The following EML5 variants were observed in gnomAD, a reference collection of about 807,000 sequenced individuals.
The protein encoded by EML5 is echinoderm microtubule-associated protein-like 5.
In EML5, 120 loss-of-function variants were observed where a neutral mutation model predicts 250.0. That is an observed-to-expected ratio of 0.48 (90% CI 0.41 to 0.56). The LOEUF is 0.56. EML5 is among the 20% of genes least tolerant of loss of function. EML5 has a pLI of 0.00. For missense variants in EML5, 2,006 were observed against 2,437.6 expected (o/e 0.82, Z 3.73); for synonymous variants, 771 against 806.5 (o/e 0.96, Z 0.75).
chr14:88,625,339 T>G, intron 35 of EML5: 1 of 526,750 alleles, frequency 1.9e-6, no homozygotes, highest in Non-Finnish European at 3.3e-6. Context: ...CTGTTGCTTA[T>G]TAGCTAGAAT....
At chr14:88,724,636 T>C (rs2093639879) in intron 8 of EML5, among the ~76,000 whole-genome samples, 1 of 152,320 alleles carries the variant, frequency 6.6e-6, no homozygotes, top group South Asian at 2.1e-4. Context: ...TTTACATGCA[T>C]CTTAAATTCT....
intron 1 of EML5, among the ~76,000 whole-genome samples, chr14:88,782,045 AG>A (rs1460575205): frequency 6.6e-6 from 1 of 152,200 alleles, no homozygotes; most frequent in Non-Finnish European, 1.5e-5. Context: ...AAAGACTTGG[AG>A]GGCTCCGAAG....
intron 27 of EML5, among the ~76,000 whole-genome samples, chr14:88,652,602 T>C (rs909479618): frequency 3.9e-5 from 6 of 152,164 alleles, no homozygotes; most frequent in African/African-American, 1.4e-4. Context: ...TGAATTCCCT[T>C]TTAATTTCTC....
At position 88,744,062 on chromosome 14, in the gene EML5, C is replaced by T; in HGVS notation, c.486G>A (p.Gln162=). Residue 162 remains glutamine (Q), a synonymous_variant, in exon 4 of 44, where the codon CAG becomes CAA. Transcript: ENST00000554922. ...RIFDISWDLY[Q]PNKLVSCGVK... ...CACCACAGCTGACAAGTTTATTTGG[C>T]TGGTACAAATCCCAAGAAATATCAA... 1 of 1,574,762 alleles carries T rather than the reference C, an allele frequency of 6.4e-7. No individual in the cohort carries two copies. The highest frequency in any genetic ancestry group is 8.6e-7 in the Non-Finnish European group (1 of 1,157,204).
chr14:88,689,873 T>C (rs2092919352), intron 17 of EML5, among the ~76,000 whole-genome samples: 1 of 152,060 alleles, frequency 6.6e-6, no homozygotes, highest in Non-Finnish European at 1.5e-5. Context: ...AGACAGTCAA[T>C]AAATGTAACA....
At position 88,772,150 on chromosome 14, in the gene EML5, C is replaced by A. The variant is rs528068923; in HGVS notation, c.198-17479G>T. Reference sequence around the variant, plus strand: ...AGACCAAGAAGCTAAATTTCATCCTCACTACTTATCTTTTCCTCACTCATC... The same window carrying A: ...AGACCAAGAAGCTAAATTTCATCCTAACTACTTATCTTTTCCTCACTCATC... On this transcript the variant is annotated intron_variant, in intron 1 of 43. Coordinates refer to ENST00000554922, the MANE Select transcript of EML5 (RefSeq NM_183387.3). Among the ~76,000 whole-genome samples, 7 of 152,336 alleles carry A rather than the reference C, an allele frequency of 4.6e-5. No homozygotes were observed. The South Asian group carries it at 1.4e-3, about 32-fold the overall frequency.
chr14:88,654,950 TG>T (rs1180070274), intron 27 of EML5, among the ~76,000 whole-genome samples: 5 of 152,252 alleles, frequency 3.3e-5, no homozygotes, highest in African/African-American at 9.6e-5. Flanking sequence ...TTTATGAATC[TG>T]GGTGCTCCTG....
chr14:88,627,864 A>G, intron 33 of EML5, 45 bp from the exon 34 acceptor site: 1 of 1,503,718 alleles, frequency 6.7e-7, no homozygotes, highest in Non-Finnish European at 8.9e-7. Flanking sequence ...CCTGTTATAA[A>G]TATTTCTGTT....
chr14:88,695,360 C>G lies in EML5; in HGVS notation c.2438+1G>C, dbSNP rs1484347613. Reference sequence around the variant, plus strand: ...AATGTGATATCAAGTTTTTTTCCTACCTTGCTATTGAAAGTTTCTCTCCTT... The same window carrying G: ...AATGTGATATCAAGTTTTTTTCCTAGCTTGCTATTGAAAGTTTCTCTCCTT... On this transcript the variant is annotated splice_donor_variant, in intron 16 of 43. Coordinates refer to ENST00000554922, the MANE Select transcript of EML5 (RefSeq NM_183387.3). LOFTEE classifies it high-confidence loss of function. The G allele has an allele frequency of 1.2e-6, 2 of 1,605,752 alleles. No individual in the cohort carries two copies. The highest frequency in any genetic ancestry group is 3.4e-5 in the Admixed American group (2 of 58,940).
intron 7 of EML5, among the ~76,000 whole-genome samples, chr14:88,732,190 T>C (rs1165379391): frequency 6.6e-6 from 1 of 152,222 alleles, no homozygotes; most frequent in Non-Finnish European, 1.5e-5. Flanking sequence ...AGGGTTTTTA[T>C]GGTTTTAGGT....
intron 21 of EML5, among the ~76,000 whole-genome samples, chr14:88,669,500 G>A (rs757809422): frequency 3.9e-5 from 6 of 152,174 alleles, no homozygotes; most frequent in East Asian, 1.9e-4. Flanking sequence ...TCTTTAGGTC[G>A]GACCCTGACC....
chr14:88,729,890 T>C (rs2093728564), intron 7 of EML5, among the ~76,000 whole-genome samples: 1 of 151,686 alleles, frequency 6.6e-6, no homozygotes, highest in Admixed American at 6.6e-5. Flanking sequence ...TTTGTTTTTT[T>C]AATGTATTGT....
chr14:88,665,003 T>G (rs559184561), intron 22 of EML5, among the ~76,000 whole-genome samples: 1 of 152,174 alleles, frequency 6.6e-6, no homozygotes, highest in African/African-American at 2.4e-5. Flanking sequence ...AATGAATACA[T>G]GGAAATTAAT....
chr14:88,684,902 A>G (rs1190376019), intron 20 of EML5, 113 bp downstream of exon 20: 1 of 1,011,894 alleles, frequency 9.9e-7, no homozygotes, highest in Admixed American at 3.0e-5. Context: ...ATACATTAAC[A>G]AATATTTCCC....
intron 27 of EML5, among the ~76,000 whole-genome samples, chr14:88,654,081 A>G (rs1189562568): frequency 6.6e-6 from 1 of 152,144 alleles, no homozygotes; most frequent in East Asian, 1.9e-4. Context: ...AGGTCTTTAT[A>G]GCATTCTCTG....
chr14:88,773,461 T>A (rs890581077), intron 1 of EML5, among the ~76,000 whole-genome samples: 3 of 152,188 alleles, frequency 2.0e-5, no homozygotes, highest in Non-Finnish European at 2.9e-5. Context: ...CATTGTCATA[T>A]AACGCATAAT....
intron 2 of EML5, among the ~76,000 whole-genome samples, chr14:88,752,362 GGTTT>G (rs1040401583): frequency 3.3e-5 from 5 of 151,966 alleles, no homozygotes; most frequent in Non-Finnish European, 5.9e-5. Context: ...TAACTTTGTA[GGTTT>G]GTTTTATAAC....
chr14:88,754,169 C>A (rs1366461324), intron 2 of EML5, among the ~76,000 whole-genome samples: 6 of 152,080 alleles, frequency 3.9e-5, no homozygotes, highest in Non-Finnish European at 8.8e-5. Context: ...ATACAGCTTT[C>A]TGAGAAACTT....
intron 13 of EML5, among the ~76,000 whole-genome samples, chr14:88,703,731 G>A (rs1204333802): frequency 6.6e-6 from 1 of 152,114 alleles, no homozygotes; most frequent in Non-Finnish European, 1.5e-5. Context: ...TGTGAGACCC[G>A]TATTGCCAGA....
Sources: allele counts gnomAD v4.1 joint callset (sites outside exome capture counted in the v4.1 genomes callset), GRCh38; gene constraint gnomAD v4.1.1; transcripts MANE v1.5; gene names NCBI Gene and HGNC (gene_info 2026-07-23, HGNC 2026-07-21).